Variants in TMEM132C observed in about 807,000 individuals in gnomAD.
TMEM132C encodes the protein transmembrane protein 132C.
A neutral mutation model predicts 61.4 loss-of-function variants in TMEM132C; 29 were observed. The observed-to-expected ratio is 0.47, with a 90% CI of 0.35 to 0.64. The LOEUF is 0.64. TMEM132C is among the 30% of genes least tolerant of loss of function. The pLI is 0.00. For synonymous variants in TMEM132C, 656 were observed against 633.1 expected (o/e 1.04, Z -0.54); for missense variants, 1,408 against 1,476.9 (o/e 0.95, Z 0.76).
intron 5 of TMEM132C, among the ~76,000 whole-genome samples, chr12:128,687,344 G>A (rs1459711169): frequency 2.0e-5 from 3 of 152,154 alleles, no homozygotes; most frequent in African/African-American, 7.2e-5. Flanking sequence ...CCTAGGCACT[G>A]TAAGATGTTG....
intron 1 of TMEM132C, among the ~76,000 whole-genome samples, chr12:128,316,642 G>A (rs193234018): frequency 6.6e-5 from 10 of 152,250 alleles, no homozygotes; most frequent in African/African-American, 2.4e-4. Flanking sequence ...GCCTATTCAT[G>A]GACCTCTGGT....
intron 2 of TMEM132C, among the ~76,000 whole-genome samples, chr12:128,534,849 G>A (rs902166968): frequency 1.3e-5 from 2 of 152,196 alleles, no homozygotes; most frequent in African/African-American, 4.8e-5. Context: ...CCATCCAGAG[G>A]TGACACCAGC....
chr12:128,340,841 CTT>C (rs1872941271), intron 1 of TMEM132C, among the ~76,000 whole-genome samples: 1 of 128,726 alleles, frequency 7.8e-6, no homozygotes, highest in South Asian at 2.3e-4. Context: ...CTCTCTCTCT[CTT>C]TCTCTCTTTC....
intron 2 of TMEM132C, among the ~76,000 whole-genome samples, chr12:128,527,986 A>G (rs1873149198): frequency 6.6e-6 from 1 of 152,192 alleles, no homozygotes; most frequent in African/African-American, 2.4e-5. Context: ...TGAAGCTGCT[A>G]GGAGATTTTT....
chr12:128,553,507 T>C (rs766229723), intron 3 of TMEM132C, among the ~76,000 whole-genome samples: 9 of 152,246 alleles, frequency 5.9e-5, no homozygotes, highest in Non-Finnish European at 1.2e-4. Context: ...TTTTGTAACT[T>C]AACGTTGCCA....
chr12:128,547,233 ACT>A (rs1354384779), intron 3 of TMEM132C, among the ~76,000 whole-genome samples: 2 of 152,118 alleles, frequency 1.3e-5, no homozygotes, highest in Admixed American at 6.5e-5. Flanking sequence ...CCTCATTGGC[ACT>A]GAGCCCCACC....
intron 2 of TMEM132C, among the ~76,000 whole-genome samples, chr12:128,465,282 T>C (rs1036052500): frequency 1.3e-5 from 2 of 151,630 alleles, no homozygotes; most frequent in Non-Finnish European, 1.5e-5. Flanking sequence ...CACTACAAGC[T>C]CCGCCTCCCA....
chr12:128,337,831 T>C (rs1286081539), intron 1 of TMEM132C, among the ~76,000 whole-genome samples: 1 of 152,228 alleles, frequency 6.6e-6, no homozygotes, highest in African/African-American at 2.4e-5. Flanking sequence ...TCCTGTCCGC[T>C]TAATTCCTTC....
intron 2 of TMEM132C, among the ~76,000 whole-genome samples, chr12:128,467,671 T>C (rs1870782075): frequency 6.6e-6 from 1 of 152,144 alleles, no homozygotes; most frequent in Admixed American, 6.5e-5. Flanking sequence ...GAAAGGTTTC[T>C]GCAAGAATGG....
chr12:128,664,761 C>G (rs1326152928), intron 4 of TMEM132C, among the ~76,000 whole-genome samples: 1 of 152,230 alleles, frequency 6.6e-6, no homozygotes, highest in African/African-American at 2.4e-5. Context: ...GCGGCATCCA[C>G]CGCCAGCCAG....
intron 1 of TMEM132C, among the ~76,000 whole-genome samples, chr12:128,391,695 A>G (rs963808259): frequency 3.9e-5 from 6 of 152,198 alleles, no homozygotes; most frequent in Non-Finnish European, 7.4e-5. Flanking sequence ...CAGATAGGAA[A>G]ACTAAGGCAC....
intron 1 of TMEM132C, among the ~76,000 whole-genome samples, chr12:128,323,948 G>A (rs774325840): frequency 3.3e-5 from 5 of 152,202 alleles, no homozygotes; most frequent in Non-Finnish European, 5.9e-5. Context: ...AGACAGCCAG[G>A]CCTGTAAGCA....
chr12:128,520,833 G>C (rs976382303), intron 2 of TMEM132C, among the ~76,000 whole-genome samples: 4 of 152,100 alleles, frequency 2.6e-5, no homozygotes, highest in Non-Finnish European at 5.9e-5. Flanking sequence ...TTTATTAGAG[G>C]CTTGGACTGC....
At chr12:128,632,938 AATT>A in intron 4 of TMEM132C, among the ~76,000 whole-genome samples, 1 of 152,172 alleles carries the variant, frequency 6.6e-6, no homozygotes, top group East Asian at 1.9e-4. Flanking sequence ...GTGCTGTAGT[AATT>A]ATCGATTGGT....
chr12:128,470,964 C>G (rs1870930828), intron 2 of TMEM132C, among the ~76,000 whole-genome samples: 1 of 152,220 alleles, frequency 6.6e-6, no homozygotes, highest in Non-Finnish European at 1.5e-5. Flanking sequence ...TGTACTTTCA[C>G]TCTTCTTTCA....
chr12:128,544,244 A>G (rs955300892), intron 3 of TMEM132C, 141 bp downstream of exon 3: 1 of 1,236,752 alleles, frequency 8.1e-7, no homozygotes, highest in African/African-American at 1.5e-5. Flanking sequence ...ATCTGGAGGC[A>G]TTGATATCCA....
intron 1 of TMEM132C, among the ~76,000 whole-genome samples, chr12:128,383,622 C>T (rs1466235942): frequency 6.6e-6 from 1 of 152,158 alleles, no homozygotes; most frequent in Non-Finnish European, 1.5e-5. Context: ...CTCTCCGCCC[C>T]CAGGGGGTTT....
intron 1 of TMEM132C, among the ~76,000 whole-genome samples, chr12:128,330,006 C>T (rs990615315): frequency 3.3e-5 from 5 of 152,108 alleles, no homozygotes; most frequent in Non-Finnish European, 5.9e-5. Context: ...TGGCACGAAG[C>T]GCTCTATTTG....
intron 5 of TMEM132C, among the ~76,000 whole-genome samples, chr12:128,687,391 G>A (rs184703290): frequency 2.7e-4 from 41 of 152,208 alleles, no homozygotes; most frequent in East Asian, 7.7e-4. Flanking sequence ...CCTAGATACC[G>A]GTTGCAAATC....
Sources: allele counts gnomAD v4.1 joint callset (sites outside exome capture counted in the v4.1 genomes callset), GRCh38; gene constraint gnomAD v4.1.1; transcripts MANE v1.5; gene names NCBI Gene and HGNC (gene_info 2026-07-23, HGNC 2026-07-21).